The following EFHC2 variants were observed in gnomAD, a reference collection of about 807,000 sequenced individuals.
The protein encoded by EFHC2 is EF-hand domain containing 2.
In EFHC2, 18 loss-of-function variants were observed where a neutral mutation model predicts 52.7. That is an observed-to-expected ratio of 0.34 (90% CI 0.24 to 0.51). EFHC2 has a LOEUF of 0.51. Among genes scored for constraint, EFHC2 ranks in the 20% least tolerant of loss-of-function variants. The pLI is 0.97. For synonymous variants in EFHC2, 203 were observed against 204.1 expected (o/e 0.99, Z 0.04); for missense variants, 513 against 562.5 (o/e 0.91, Z 0.89).
intron 11 of EFHC2, among the ~76,000 whole-genome samples, chrX:44,204,021 C>G (rs1024253893): frequency 1.8e-5 from 2 of 110,201 alleles, no homozygotes; most frequent in African/African-American, 6.6e-5. Context: ...TGAACTGCAC[C>G]ACCAAACAAA....
chrX:44,342,718 A>G (rs2038158253), intron 1 of EFHC2, among the ~76,000 whole-genome samples: 1 of 109,357 alleles, frequency 9.1e-6, no homozygotes, highest in African/African-American at 3.3e-5. Context: ...CTTTACTAAA[A>G]ATACAAAAAT....
At chrX:44,230,429 G>A (rs952017471) in intron 10 of EFHC2, among the ~76,000 whole-genome samples, 1 of 111,250 alleles carries the variant, frequency 9.0e-6, no homozygotes, top group African/African-American at 3.3e-5. Flanking sequence ...AATATTGATG[G>A]CAATTTAGTC....
intron 13 of EFHC2, among the ~76,000 whole-genome samples, chrX:44,171,985 G>T (rs913666108): frequency 8.9e-6 from 1 of 111,917 alleles, no homozygotes; most frequent in Non-Finnish European, 1.9e-5. Context: ...CAGCCTCACT[G>T]CCAGGTATTG....
chrX:44,277,287 C>G (rs1241250814), intron 2 of EFHC2, among the ~76,000 whole-genome samples: 1 of 103,521 alleles, frequency 9.7e-6, no homozygotes, highest in Non-Finnish European at 2.0e-5. Context: ...AAAAATCTTA[C>G]AGCTGAATTT....
chrX:44,150,867 T>C (rs2036565023), intron 14 of EFHC2, among the ~76,000 whole-genome samples: 1 of 111,131 alleles, frequency 9.0e-6, no homozygotes, highest in African/African-American at 3.3e-5. Flanking sequence ...TGTTTGGAAA[T>C]AGGGTTTTTG....
intron 4 of EFHC2, among the ~76,000 whole-genome samples, chrX:44,253,413 C>T (rs946520373): frequency 9.0e-6 from 1 of 111,135 alleles, no homozygotes; most frequent in Non-Finnish European, 1.9e-5. Context: ...TGAAGTCGAT[C>T]TGGGACGCTG....
At chrX:44,159,118 T>G (rs183877041) in intron 14 of EFHC2, among the ~76,000 whole-genome samples, 2 of 111,950 alleles carry the variant, frequency 1.8e-5, no homozygotes, top group East Asian at 5.7e-4. Flanking sequence ...GCCAAGGATA[T>G]CTTTGGGCTT....
rs1443145341 is a variant in EFHC2, at chrX:44,235,294, A to AT, written c.1423+10dup. The stretch of plus-strand genomic sequence containing the variant: ...TTCTCAAGAAAATACTGTGAAGAGT[A>AT]TATCTCTTACCTGAATTCCTCTCTA... On this transcript the variant is annotated intron_variant, in intron 9 of 14. Transcript: ENST00000420999. The AT allele has an allele frequency of 4.3e-6, 5 of 1,154,044 alleles. No individual in the cohort carries two copies. The highest frequency in any genetic ancestry group is 2.7e-5 in the Admixed American group (1 of 37,658).
chrX:44,321,022 G>T (rs2038015756), intron 1 of EFHC2, among the ~76,000 whole-genome samples: 1 of 111,751 alleles, frequency 8.9e-6, no homozygotes, highest in African/African-American at 3.3e-5. Flanking sequence ...ACAAAGAACT[G>T]GGGATATTGC....
At position 44,169,746 on chromosome X, in the gene EFHC2, T is replaced by C. The variant is rs765565663; in HGVS notation, c.2043-5719A>G. 1.5e-3 allele frequency among the ~76,000 whole-genome samples: 150 copies of C among 97,242 alleles called. 5 individuals are homozygous for C. The highest frequency in any genetic ancestry group is 0.014 in the Admixed American group (132 of 9,229). The allele number at this position is 97,242 out of a possible 115,157, so 84.4% of individuals were successfully genotyped here. A position where few individuals can be genotyped will look rare whatever the true frequency, so the allele number is the denominator to read the frequency against. ...ATACACACACACACACACACACACATACACACTCTCTCTCTCTCTCTCATC... is the reference window on the plus strand; with the variant it reads ...ATACACACACACACACACACACACACACACACTCTCTCTCTCTCTCTCATC... On this transcript the variant is annotated intron_variant, in intron 13 of 14. Coordinates refer to ENST00000420999, the MANE Select transcript of EFHC2 (RefSeq NM_025184.4).
intron 11 of EFHC2, among the ~76,000 whole-genome samples, chrX:44,214,184 T>G (rs975198370): frequency 4.5e-5 from 5 of 111,743 alleles, no homozygotes; most frequent in South Asian, 7.4e-4. Flanking sequence ...AAGTAATGAT[T>G]GAGAAATTCC....
intron 13 of EFHC2, among the ~76,000 whole-genome samples, chrX:44,167,794 AT>A (rs1336669785): frequency 9.0e-6 from 1 of 111,722 alleles, no homozygotes; most frequent in Non-Finnish European, 1.9e-5. Context: ...AACAAAGGAT[AT>A]TTCAATTAAA....
chrX:44,239,325 T>C (rs1400636714), intron 8 of EFHC2, among the ~76,000 whole-genome samples: 2 of 111,973 alleles, frequency 1.8e-5, no homozygotes, highest in East Asian at 5.6e-4. Flanking sequence ...TGAGTGAACA[T>C]TTATTCTATT....
Position 44,222,586 on chromosome X carries a change from C to A in EFHC2, c.1751+7063G>T, listed in dbSNP as rs192756195. Among the ~76,000 whole-genome samples, 15 of 111,335 alleles carry A rather than the reference C, an allele frequency of 1.3e-4. No homozygotes were observed. In the East Asian group the frequency reaches 3.1e-3, roughly 23 times the overall value. On this transcript the variant is annotated intron_variant, in intron 11 of 14. Transcript: ENST00000420999. The stretch of plus-strand genomic sequence containing the variant: ...CTTTGCCTCTTGTTTAGCTGCTTGG[C>A]GAGTCAAAACAATATTTTCAAAGTA...
chrX:44,342,571 T>C (rs984838460), intron 1 of EFHC2, among the ~76,000 whole-genome samples: 1 of 111,481 alleles, frequency 9.0e-6, no homozygotes, highest in Non-Finnish European at 1.9e-5. Context: ...TGTACGTTCA[T>C]CTTCTTTTGA....
chrX:44,336,847 G>C (rs186964467), intron 1 of EFHC2, among the ~76,000 whole-genome samples: 20 of 111,886 alleles, frequency 1.8e-4, no homozygotes, highest in African/African-American at 6.2e-4. Context: ...TAAAAAATAA[G>C]ACTGTTATGT....
intron 1 of EFHC2, among the ~76,000 whole-genome samples, chrX:44,335,831 T>C (rs1269551803): frequency 8.9e-6 from 1 of 111,966 alleles, no homozygotes; most frequent in Non-Finnish European, 1.9e-5. Context: ...ATTCAAGCCA[T>C]AGACTGGAAC....
chrX:44,228,775 C>A (rs188330520), intron 11 of EFHC2, among the ~76,000 whole-genome samples: 20 of 111,453 alleles, frequency 1.8e-4, no homozygotes, highest in Admixed American at 2.8e-4. Context: ...CTCCCTGCTA[C>A]CCTCTCCTGG....
intron 11 of EFHC2, among the ~76,000 whole-genome samples, chrX:44,224,202 T>C (rs1422025720): frequency 8.9e-6 from 1 of 112,269 alleles, no homozygotes; most frequent in East Asian, 2.8e-4. Context: ...ATAAAGCTTA[T>C]TGAAATACTG....
Sources: gnomAD v4.1 joint callset for allele counts (sites outside exome capture counted in the v4.1 genomes callset) on GRCh38, gnomAD v4.1.1 for gene constraint, MANE v1.5 for transcripts, NCBI Gene and HGNC (gene_info 2026-07-23, HGNC 2026-07-21) for gene names.